Variants in CPQ observed in about 807,000 individuals in gnomAD.
The protein encoded by CPQ is carboxypeptidase Q, also known as Ser-Met dipeptidase.
In CPQ, 37 loss-of-function variants were observed where a neutral mutation model predicts 45.7. The observed-to-expected ratio is 0.81, with a 90% CI of 0.62 to 1.07. CPQ has a LOEUF of 1.07. Among genes scored for constraint, CPQ ranks in the 50% least tolerant of loss-of-function variants. The pLI is 0.00. For synonymous variants in CPQ, 186 were observed against 205.8 expected, an observed-to-expected ratio of 0.90 and a Z score of 0.82; for missense variants, 537 against 572.9, an observed-to-expected ratio of 0.94 and a Z score of 0.64.
chr8:96,714,209 C>T (rs1186814027), intron 1 of CPQ, among the ~76,000 whole-genome samples: 5 of 152,308 alleles, frequency 3.3e-5, no homozygotes, highest in Admixed American at 2.6e-4. Flanking sequence ...AACTTTTCCG[C>T]AATTATTCCA....
intron 4 of CPQ, among the ~76,000 whole-genome samples, chr8:96,905,111 T>C (rs1258534748): frequency 6.6e-6 from 1 of 151,900 alleles, no homozygotes; most frequent in South Asian, 2.1e-4. Flanking sequence ...AAACATACAA[T>C]CATGGCACAA....
At chr8:96,928,383 T>C (rs1048139473) in intron 4 of CPQ, among the ~76,000 whole-genome samples, 3 of 150,300 alleles carry the variant, frequency 2.0e-5, no homozygotes, top group Non-Finnish European at 3.0e-5. Context: ...GTATCTGCCT[T>C]CTCTGAGGTA....
chr8:96,894,864 T>C (rs1812422843), intron 4 of CPQ, among the ~76,000 whole-genome samples: 1 of 152,246 alleles, frequency 6.6e-6, no homozygotes, highest in Non-Finnish European at 1.5e-5. Flanking sequence ...CTGGATTTTC[T>C]GCAGGATTTC....
intron 2 of CPQ, among the ~76,000 whole-genome samples, chr8:96,803,740 C>G (rs1331148472): frequency 6.6e-6 from 1 of 152,294 alleles, no homozygotes; most frequent in South Asian, 2.1e-4. Context: ...CAGTTAAATT[C>G]TACAAACTCA....
chr8:97,057,268 T>A (rs1191155680), intron 6 of CPQ, among the ~76,000 whole-genome samples: 1 of 152,200 alleles, frequency 6.6e-6, no homozygotes, highest in Non-Finnish European at 1.5e-5. Flanking sequence ...AAATGTGACT[T>A]AATATTTTGC....
chr8:96,924,970 A>G (rs1044044916), intron 4 of CPQ, among the ~76,000 whole-genome samples: 1 of 152,206 alleles, frequency 6.6e-6, no homozygotes, highest in Non-Finnish European at 1.5e-5. Context: ...TCTGCTCCAC[A>G]TATCACTGGG....
At position 97,029,410 on chromosome 8, in the gene CPQ, T is replaced by A. The variant is rs1417999067; in HGVS notation, c.969T>A (p.Arg323=). 6.2e-7 allele frequency: 1 copy of A among 1,605,276 alleles called. No individual in the cohort carries two copies. Among genetic ancestry groups the A allele is most frequent in the Non-Finnish European group, 8.5e-7 (1 of 1,175,126 alleles). Residue 323 remains arginine (R), a synonymous_variant, in exon 6 of 8, where the codon CGT becomes CGA. Transcript: ENST00000220763. ...ALSLIKDLGL[R]PKRTLRLVLW... ...ATTTTATTATTTTCCCAGGGCTGCGTCCAAAGAGGACTCTGCGGCTGGTGC... is the reference window on the plus strand; with the variant it reads ...ATTTTATTATTTTCCCAGGGCTGCGACCAAAGAGGACTCTGCGGCTGGTGC...
intron 7 of CPQ, among the ~76,000 whole-genome samples, chr8:97,094,416 A>C (rs906155580): frequency 6.6e-6 from 1 of 152,164 alleles, no homozygotes; most frequent in Non-Finnish European, 1.5e-5. Flanking sequence ...TGGACATCTT[A>C]GATCAATTCA....
intron 1 of CPQ, among the ~76,000 whole-genome samples, chr8:96,673,170 C>T (rs1435053003): frequency 6.6e-6 from 1 of 152,202 alleles, no homozygotes; most frequent in Non-Finnish European, 1.5e-5. Flanking sequence ...TTGGACAAAA[C>T]ACACACAAAG....
chr8:96,921,636 T>C (rs1341518017), intron 4 of CPQ, among the ~76,000 whole-genome samples: 1 of 152,178 alleles, frequency 6.6e-6, no homozygotes, highest in East Asian at 1.9e-4. Flanking sequence ...AACTGCTGCT[T>C]CTTGAGCCAG....
intron 2 of CPQ, among the ~76,000 whole-genome samples, chr8:96,799,140 A>C (rs1446919958): frequency 6.6e-6 from 1 of 152,246 alleles, no homozygotes; most frequent in Non-Finnish European, 1.5e-5. Context: ...AAAGAGAAGG[A>C]TAAATAAACA....
intron 3 of CPQ, among the ~76,000 whole-genome samples, chr8:96,849,292 G>T (rs1811740763): frequency 1.3e-5 from 2 of 152,142 alleles, no homozygotes; most frequent in Admixed American, 1.3e-4. Flanking sequence ...ATGAGGATTG[G>T]ATACCTCGAC....
chr8:97,083,721 C>T (rs1447053021), intron 7 of CPQ, among the ~76,000 whole-genome samples: 1 of 152,050 alleles, frequency 6.6e-6, no homozygotes, highest in Non-Finnish European at 1.5e-5. Context: ...AAGCACCTGG[C>T]CAAAGGCACA....
At chr8:97,123,176 ATATAAAATAAAATAAAATAAAATAAAAT>A (rs1811778983) in intron 7 of CPQ, among the ~76,000 whole-genome samples, 1 of 55,760 alleles carries the variant, frequency 1.8e-5, no homozygotes, top group Non-Finnish European at 3.6e-5. Context: ...ATAAAATAAA[ATATAAAATAAAATAAAATAAAATAAAAT>A]AAAAAATAAA....
chr8:97,049,571 A>G (rs1267479823), intron 6 of CPQ, among the ~76,000 whole-genome samples: 1 of 152,234 alleles, frequency 6.6e-6, no homozygotes, highest in Admixed American at 6.5e-5. Flanking sequence ...AGGGGAGTGG[A>G]AACTCAATAG....
chr8:96,932,175 AAAGGAAGG>A (rs144460338), intron 4 of CPQ, among the ~76,000 whole-genome samples: 7 of 151,744 alleles, frequency 4.6e-5, no homozygotes, highest in South Asian at 2.1e-4. Context: ...ACTTGGGAAG[AAAGGAAGG>A]AAGGAAGGAA....
intron 3 of CPQ, among the ~76,000 whole-genome samples, chr8:96,846,109 C>T (rs749058989): frequency 1.3e-4 from 20 of 152,178 alleles, no homozygotes; most frequent in Non-Finnish European, 7.3e-5. Flanking sequence ...TGAGCCACGG[C>T]GCCCAGCCTC....
At chr8:96,715,109 A>G (rs1809657328) in intron 1 of CPQ, among the ~76,000 whole-genome samples, 1 of 152,114 alleles carries the variant, frequency 6.6e-6, no homozygotes. Context: ...GGGTTGAAGA[A>G]TTCAGGCTTC....
intron 5 of CPQ, among the ~76,000 whole-genome samples, chr8:96,987,862 A>G (rs1809018145): frequency 6.6e-6 from 1 of 152,216 alleles, no homozygotes; most frequent in Admixed American, 6.5e-5. Context: ...TGGTCACAGT[A>G]GAAAATTTTT....
Sources: allele counts gnomAD v4.1 joint callset (sites outside exome capture counted in the v4.1 genomes callset), GRCh38; gene constraint gnomAD v4.1.1; transcripts MANE v1.5; gene names NCBI Gene and HGNC (gene_info 2026-07-23, HGNC 2026-07-21).